The following RARB variants were observed in gnomAD, a reference collection of about 807,000 sequenced individuals.
RARB encodes the protein HBV-activated protein.
A neutral mutation model predicts 51.9 loss-of-function variants in RARB; 17 were observed. The ratio of observed to expected loss-of-function variants is 0.33; its 90% CI spans 0.22 to 0.49. The LOEUF is 0.49. RARB is among the 20% of genes least tolerant of loss of function. The probability of loss-of-function intolerance (pLI) is 0.99; values close to 1 mark genes in which losing one functional copy is unlikely to be tolerated. For synonymous variants in RARB, 215 were observed against 195.4 expected (o/e 1.10, Z -0.84); for missense variants, 369 against 550.8 (o/e 0.67, Z 3.30).
chr3:25,541,355 TCA>T (rs1002875234), intron 3 of RARB, among the ~76,000 whole-genome samples: 12 of 152,326 alleles, frequency 7.9e-5, no homozygotes, highest in African/African-American at 2.6e-4. Flanking sequence ...CTTCTCTCTC[TCA>T]GTCTTTTTTC....
chr3:25,240,871 TCTCTC>T (rs1363131140), intron 5 of RARB, among the ~76,000 whole-genome samples: 6 of 152,204 alleles, frequency 3.9e-5, no homozygotes, highest in African/African-American at 7.2e-5. Flanking sequence ...GAAAATTTCT[TCTCTC>T]CTCAACTTTT....
At chr3:25,058,684 C>T (rs1269900732) in intron 2 of RARB, among the ~76,000 whole-genome samples, 1 of 151,530 alleles carries the variant, frequency 6.6e-6, no homozygotes, top group Non-Finnish European at 1.5e-5. Context: ...TTATTGTTCA[C>T]TATTACTAAT....
intron 3 of RARB, among the ~76,000 whole-genome samples, chr3:25,121,990 C>T (rs1699791965): frequency 6.6e-6 from 1 of 152,160 alleles, no homozygotes; most frequent in South Asian, 2.1e-4. Context: ...ACCCATACCT[C>T]ATTCTGATTC....
intron 2 of RARB, among the ~76,000 whole-genome samples, chr3:25,002,130 C>T (rs936324404): frequency 2.6e-5 from 4 of 152,160 alleles, no homozygotes; most frequent in Admixed American, 2.6e-4. Flanking sequence ...CATATGGGCT[C>T]CTGAAGTTAA....
Position 25,596,630 on chromosome 3 carries a change from TAC to T in RARB, c.*15_*16del. On this transcript the variant is annotated 3_prime_UTR_variant, in exon 8 of 8. Transcript: ENST00000330688. ...CTCGTGCAATAAGACATTTTCTAGC[TAC>T]TTCAAACATTCCCCAGTACCTTCAG... 1 of 1,564,788 alleles carries T rather than the reference TAC, an allele frequency of 6.4e-7. No homozygotes were observed.
At chr3:24,970,970 G>A (rs1696385247) in intron 2 of RARB, among the ~76,000 whole-genome samples, 1 of 151,868 alleles carries the variant, frequency 6.6e-6, no homozygotes, top group Admixed American at 6.6e-5. Flanking sequence ...TCAACTAACT[G>A]CTCACCCTGG....
At chr3:25,001,225 A>C (rs1021398330) in intron 2 of RARB, among the ~76,000 whole-genome samples, 4 of 152,134 alleles carry the variant, frequency 2.6e-5, no homozygotes, top group African/African-American at 7.2e-5. Flanking sequence ...CAAAAATTAC[A>C]ATGTCTTTAA....
At chr3:25,157,752 T>C (rs576110761) in intron 4 of RARB, among the ~76,000 whole-genome samples, 13 of 152,322 alleles carry the variant, frequency 8.5e-5, no homozygotes, top group African/African-American at 3.1e-4. Context: ...TGCTAAGTCC[T>C]GTTATTTTCT....
At chr3:25,314,928 G>A (rs1208294113) in intron 5 of RARB, among the ~76,000 whole-genome samples, 1 of 152,132 alleles carries the variant, frequency 6.6e-6, no homozygotes, top group African/African-American at 2.4e-5. Context: ...TCCCACTTAT[G>A]AGAACATGGA....
intron 2 of RARB, among the ~76,000 whole-genome samples, chr3:24,871,100 G>C (rs1259101280): frequency 6.6e-6 from 1 of 151,828 alleles, no homozygotes; most frequent in African/African-American, 2.4e-5. Flanking sequence ...TTAATTATTA[G>C]TACACTTTTT....
intron 5 of RARB, among the ~76,000 whole-genome samples, chr3:25,356,916 G>C (rs1230903935): frequency 2.6e-5 from 4 of 152,046 alleles, no homozygotes; most frequent in African/African-American, 9.7e-5. Flanking sequence ...GTCTAACATT[G>C]ATGGGCATTT....
At chr3:25,391,805 G>A (rs180675394) in intron 5 of RARB, among the ~76,000 whole-genome samples, 2 of 152,074 alleles carry the variant, frequency 1.3e-5, no homozygotes, top group East Asian at 3.9e-4. Context: ...TTGTTGGATG[G>A]ATAGATGATG....
chr3:24,923,340 T>A (rs534185032), intron 2 of RARB, among the ~76,000 whole-genome samples: 1 of 152,204 alleles, frequency 6.6e-6, no homozygotes, highest in Admixed American at 6.5e-5. Flanking sequence ...ATACTCATTG[T>A]GAATTAATTT....
chr3:24,863,240 C>T (rs1229341762), intron 2 of RARB, among the ~76,000 whole-genome samples: 2 of 152,172 alleles, frequency 1.3e-5, no homozygotes, highest in South Asian at 2.1e-4. Context: ...AAGGATTCCA[C>T]CCAAGATTTT....
At chr3:25,327,932 T>C (rs1704773889) in intron 5 of RARB, among the ~76,000 whole-genome samples, 1 of 152,122 alleles carries the variant, frequency 6.6e-6, no homozygotes, top group African/African-American at 2.4e-5. Context: ...TGCAGAAAAA[T>C]AAGCATTTGT....
At chr3:25,409,422 C>G (rs1575379989) in intron 5 of RARB, among the ~76,000 whole-genome samples, 1 of 152,040 alleles carries the variant, frequency 6.6e-6, no homozygotes, top group East Asian at 1.9e-4. Flanking sequence ...CAAACTTTTT[C>G]ATGTTCAGAA....
In RARB at chr3:24,966,853, T is replaced by C. The variant is rs1408903882; in HGVS notation, c.-379-93272T>C. On this transcript the variant is annotated intron_variant, in intron 2 of 11. Transcript: ENST00000383772. ...TTAAAAATCATTCAGGTGATCATTA[T>C]GTCCATTAATTAATAAAGTCCTATA... Among the ~76,000 whole-genome samples, 4 of 152,210 alleles carry C rather than the reference T, an allele frequency of 2.6e-5. No individual in the cohort carries two copies. The South Asian group carries it at 8.3e-4, about 31-fold the overall frequency.
intron 4 of RARB, among the ~76,000 whole-genome samples, chr3:25,142,728 C>G (rs1700128645): frequency 6.6e-6 from 1 of 152,034 alleles, no homozygotes; most frequent in African/African-American, 2.4e-5. Context: ...AATGCTGCCT[C>G]CCAGAAAGCC....
At position 24,926,453 on chromosome 3, in the gene RARB, C is replaced by T. The variant is rs117556636; in HGVS notation, c.-380+67701C>T. 1.1e-3 allele frequency among the ~76,000 whole-genome samples: 172 copies of T among 152,108 alleles called. 2 individuals carry two copies. The East Asian group carries it at 0.014, about 13-fold the overall frequency. On this transcript the variant is annotated intron_variant, in intron 2 of 11. Coordinates refer to the RARB transcript ENST00000383772. ...TTCAATTGAAGAGAGATTGTTGACCCGCAAATACATCTGAGTTGAGAAGTG... is the reference window on the plus strand; with the variant it reads ...TTCAATTGAAGAGAGATTGTTGACCTGCAAATACATCTGAGTTGAGAAGTG...
Sources: gnomAD v4.1 joint callset for allele counts (sites outside exome capture counted in the v4.1 genomes callset) on GRCh38, gnomAD v4.1.1 for gene constraint, MANE v1.5 for transcripts, NCBI Gene and HGNC (gene_info 2026-07-23, HGNC 2026-07-21) for gene names.